Variants in FSIP1 observed in about 807,000 individuals in gnomAD.
The protein encoded by FSIP1 is fibrous sheath interacting protein 1.
Under a neutral mutation model 60.9 loss-of-function variants are expected in FSIP1, and 65 were observed. The ratio of observed to expected loss-of-function variants is 1.07; its 90% CI spans 0.87 to 1.31. The LOEUF (loss-of-function observed/expected upper bound fraction) is 1.31. Among genes scored for constraint, FSIP1 ranks in the 40% most tolerant of loss-of-function variants. The pLI is 0.00. For missense variants in FSIP1, 675 were observed against 665.5 expected (o/e 1.01, Z -0.16); for synonymous variants, 209 against 221.2 (o/e 0.94, Z 0.49).
At chr15:39,663,623 A>G (rs1477895616) in intron 10 of FSIP1, among the ~76,000 whole-genome samples, 1 of 152,264 alleles carries the variant, frequency 6.6e-6, no homozygotes, top group Non-Finnish European at 1.5e-5. Context: ...TAGGAATGAA[A>G]ATGGACTAAA....
intron 5 of FSIP1, among the ~76,000 whole-genome samples, chr15:39,748,383 C>T (rs1310002825): frequency 1.3e-5 from 2 of 152,096 alleles, no homozygotes; most frequent in African/African-American, 2.4e-5. Flanking sequence ...CAAGTGTCCA[C>T]GGAGTACTTA....
At chr15:39,607,377 T>C (rs907393221) in intron 11 of FSIP1, among the ~76,000 whole-genome samples, 6 of 152,206 alleles carry the variant, frequency 3.9e-5, no homozygotes, top group African/African-American at 1.4e-4. Flanking sequence ...TCATTAGCAA[T>C]AAAGCGAACC....
intron 10 of FSIP1, among the ~76,000 whole-genome samples, chr15:39,673,180 A>C (rs1011538917): frequency 2.6e-5 from 4 of 152,378 alleles, no homozygotes; most frequent in Non-Finnish European, 5.9e-5. Flanking sequence ...ACAATGAAGA[A>C]CAAATACGGA....
At chr15:39,607,929 C>T (rs1466380073) in intron 11 of FSIP1, among the ~76,000 whole-genome samples, 1 of 152,200 alleles carries the variant, frequency 6.6e-6, no homozygotes, top group Non-Finnish European at 1.5e-5. Flanking sequence ...CGCAGCAACT[C>T]CTCATTAGTT....
intron 5 of FSIP1, among the ~76,000 whole-genome samples, chr15:39,756,602 G>A (rs927460526): frequency 6.6e-6 from 1 of 151,966 alleles, no homozygotes; most frequent in African/African-American, 2.4e-5. Context: ...TTCCCAAAGC[G>A]CTGGGATTAC....
At chr15:39,671,712 T>C (rs886742435) in intron 10 of FSIP1, among the ~76,000 whole-genome samples, 2 of 152,090 alleles carry the variant, frequency 1.3e-5, no homozygotes, top group Non-Finnish European at 2.9e-5. Context: ...ACAGATATTT[T>C]CCAAAGGTTT....
At chr15:39,664,647 G>T (rs986875623) in intron 10 of FSIP1, among the ~76,000 whole-genome samples, 1 of 152,036 alleles carries the variant, frequency 6.6e-6, no homozygotes, top group Non-Finnish European at 1.5e-5. Context: ...ACATTTCACT[G>T]GGAAAACAAA....
rs2140555005 is a variant in FSIP1, at chr15:39,713,524, T to G, written c.1108A>C (p.Arg370=). Residue 370 remains arginine, a synonymous_variant, in exon 10 of 12, where the codon AGG becomes CGG. Transcript: ENST00000350221. ...AGATCGCGTTGCTCTTTGGTGTTCC[T>G]AAGTATCTTTTCTCCTGGAGTTACT... is the stretch of plus-strand genomic sequence containing the variant. ...MEVTPGEKIL[R]NTKEQRDLHN... 1.9e-6 allele frequency: 3 copies of G among 1,610,738 alleles called. No individual in the cohort carries two copies. In the East Asian group the frequency reaches 6.7e-5, roughly 36 times the overall value.
chr15:39,770,571 G>T lies in FSIP1; in HGVS notation c.166C>A (p.His56Asn), dbSNP rs1269929652. 1 of 1,583,334 alleles carries T rather than the reference G, an allele frequency of 6.3e-7. No homozygotes were observed. Among genetic ancestry groups the T allele is most frequent in the Non-Finnish European group, 8.6e-7 (1 of 1,168,658 alleles). ...ASNLNSGKED[H>N]SESSNTENRR... Reference sequence around the variant, plus strand: ...TTCTCTGTATTACTGCTTTCGGAGTGGTCCTCTTTACCAGAGTTCAAGTTG... The same window carrying T: ...TTCTCTGTATTACTGCTTTCGGAGTTGTCCTCTTTACCAGAGTTCAAGTTG... Residue 56 changes from histidine (H) to asparagine (N), a missense_variant, in exon 3 of 12, where the codon CAC becomes AAC. His to Asn is a moderately conservative substitution (Grantham distance 68). Coordinates refer to ENST00000350221, the MANE Select transcript of FSIP1 (RefSeq NM_152597.5).
At chr15:39,685,901 C>T (rs1464726030) in intron 10 of FSIP1, among the ~76,000 whole-genome samples, 2 of 152,192 alleles carry the variant, frequency 1.3e-5, no homozygotes, top group African/African-American at 4.8e-5. Flanking sequence ...CATTACATGT[C>T]AGACCATTCC....
intron 8 of FSIP1, among the ~76,000 whole-genome samples, chr15:39,736,014 T>G (rs999807100): frequency 2.6e-5 from 4 of 152,222 alleles, no homozygotes; most frequent in Admixed American, 2.0e-4. Flanking sequence ...TTCTTCCTGA[T>G]GGACCTGCCT....
chr15:39,730,086 T>C (rs966262472), intron 8 of FSIP1, among the ~76,000 whole-genome samples: 1 of 151,390 alleles, frequency 6.6e-6, no homozygotes, highest in Non-Finnish European at 1.5e-5. Flanking sequence ...AATAATAAAC[T>C]TTGTTGTGGC....
intron 10 of FSIP1, among the ~76,000 whole-genome samples, chr15:39,641,945 A>C (rs1360965910): frequency 1.3e-5 from 2 of 152,180 alleles, no homozygotes; most frequent in East Asian, 3.8e-4. Flanking sequence ...CCTTGATTAT[A>C]GTGTATTATA....
At chr15:39,636,062 C>G (rs1401581393) in intron 10 of FSIP1, among the ~76,000 whole-genome samples, 1 of 152,136 alleles carries the variant, frequency 6.6e-6, no homozygotes, top group Non-Finnish European at 1.5e-5. Flanking sequence ...TATATCCCCT[C>G]CAACAATATT....
intron 9 of FSIP1, among the ~76,000 whole-genome samples, chr15:39,717,375 C>T (rs988550705): frequency 7.2e-5 from 11 of 152,136 alleles, no homozygotes; most frequent in Non-Finnish European, 1.6e-4. Flanking sequence ...GGGGAGAGTA[C>T]AGGACAGAAG....
intron 6 of FSIP1, 122 bp from the exon 7 acceptor site, chr15:39,739,911 C>T: frequency 1.8e-6 from 1 of 558,036 alleles, no homozygotes; most frequent in Non-Finnish European, 3.0e-6. Context: ...CTAACTTCTA[C>T]ATTCCAGATC....
At chr15:39,656,115 T>C (rs1893060711) in intron 10 of FSIP1, among the ~76,000 whole-genome samples, 1 of 152,058 alleles carries the variant, frequency 6.6e-6, no homozygotes, top group South Asian at 2.1e-4. Flanking sequence ...AAAAAGATGT[T>C]TGTCGACACC....
intron 10 of FSIP1, among the ~76,000 whole-genome samples, chr15:39,663,073 TAAC>T (rs1238444841): frequency 6.6e-6 from 1 of 152,178 alleles, no homozygotes. Context: ...CTGCCCAAAA[TAAC>T]AAGATTCATA....
At chr15:39,664,015 TA>T (rs1199210510) in intron 10 of FSIP1, among the ~76,000 whole-genome samples, 3 of 152,138 alleles carry the variant, frequency 2.0e-5, no homozygotes, top group Admixed American at 1.3e-4. Context: ...AAAGGGCTGT[TA>T]AAAGAAACAA....
Sources: gnomAD v4.1 joint callset for allele counts (sites outside exome capture counted in the v4.1 genomes callset) on GRCh38, gnomAD v4.1.1 for gene constraint, MANE v1.5 for transcripts, NCBI Gene and HGNC (gene_info 2026-07-23, HGNC 2026-07-21) for gene names.